Variants in RIF1 observed in about 807,000 individuals in gnomAD.
The protein encoded by RIF1 is replication timing regulatory factor 1.
Under a neutral mutation model 247.1 loss-of-function variants are expected in RIF1, and 45 were observed. The ratio of observed to expected loss-of-function variants is 0.18; its 90% confidence interval spans 0.14 to 0.23. RIF1 has a LOEUF of 0.23. Among genes scored for constraint, RIF1 ranks in the 10% least tolerant of loss-of-function variants. RIF1 has a pLI of 1.00. For missense variants in RIF1, 2,967 were observed against 2,862.5 expected (o/e 1.04, Z -0.83); for synonymous variants, 1,087 against 978.8 (o/e 1.11, Z -2.06).
intron 9 of RIF1, among the ~76,000 whole-genome samples, chr2:151,430,863 G>A (rs184271847): frequency 1.3e-5 from 2 of 151,910 alleles, no homozygotes; most frequent in Non-Finnish European, 2.9e-5. Context: ...CACGTTGCCC[G>A]GGCTAGTCTC....
intron 9 of RIF1, chr2:151,490,020 G>T: frequency 6.2e-7 from 1 of 1,613,646 alleles, no homozygotes; most frequent in South Asian, 1.1e-5. Context: ...TGTCTGTTGG[G>T]TAGCAACTGA....
intron 21 of RIF1, among the ~76,000 whole-genome samples, chr2:151,452,206 A>G (rs1694431819): frequency 3.3e-5 from 5 of 152,220 alleles, no homozygotes; most frequent in Admixed American, 2.6e-4. Context: ...ATGGTAATTA[A>G]ATGATTAAAA....
intron 18 of RIF1, among the ~76,000 whole-genome samples, chr2:151,445,057 G>A (rs1693011406): frequency 6.6e-6 from 1 of 152,134 alleles, no homozygotes; most frequent in African/African-American, 2.4e-5. Flanking sequence ...TCTTCACATG[G>A]TATTGTTGTC....
intron 18 of RIF1, 137 bp downstream of exon 18, chr2:151,443,846 C>G: frequency 1.9e-6 from 1 of 516,644 alleles, no homozygotes; most frequent in Non-Finnish European, 3.2e-6. Flanking sequence ...AAACGTTGTA[C>G]TTTTGATTGA....
chr2:151,410,019 T>C lies in RIF1; in HGVS notation c.-25T>C, dbSNP rs1258952519. The C allele has an allele frequency of 2.8e-6, 2 of 702,876 alleles. 1 individual carries two copies. The highest frequency in any genetic ancestry group is 3.0e-5 in the South Asian group (2 of 67,602). 43.5% of individuals were successfully genotyped at this position (702,876 alleles called of 1,614,324 possible). ...AGGGGCAGAGGCGGAGAGAACCCTG[T>C]CCTGATCTTCCTAGGTGGGATAAAT... On this transcript the variant is annotated 5_prime_UTR_variant, in exon 1 of 36. Transcript: ENST00000444746.
chr2:151,468,185 G>T, intron 31 of RIF1, 39 bp downstream of exon 31: 1 of 1,497,758 alleles, frequency 6.7e-7, no homozygotes, highest in Non-Finnish European at 9.1e-7. Context: ...TATGTATACC[G>T]ACACAGAATT....
At chr2:151,507,450 T>C (rs1171739016) in intron 13 of RIF1, among the ~76,000 whole-genome samples, 1 of 152,204 alleles carries the variant, frequency 6.6e-6, no homozygotes, top group Non-Finnish European at 1.5e-5. Flanking sequence ...TATCTGACCT[T>C]CATTTAAAGC....
intron 8 of RIF1, among the ~76,000 whole-genome samples, chr2:151,425,592 A>C (rs1222556479): frequency 6.7e-6 from 1 of 150,272 alleles, no homozygotes; most frequent in African/African-American, 2.5e-5. Context: ...ATCCTTTTGC[A>C]TGCAGATGTT....
intron 6 of RIF1, among the ~76,000 whole-genome samples, 179 bp from the exon 7 acceptor site, chr2:151,420,011 A>G (rs1005803439): frequency 6.6e-6 from 1 of 152,188 alleles, no homozygotes; most frequent in Non-Finnish European, 1.5e-5. Context: ...AAAATTTACA[A>G]AAGCAATAAT....
chr2:151,524,479 TG>T, the RIF1 span: 1 of 1,613,020 alleles, frequency 6.2e-7, no homozygotes, highest in African/African-American at 1.3e-5. Context: ...TGGCAATGGC[TG>T]TTGGGGACTG....
intron 7 of RIF1, among the ~76,000 whole-genome samples, chr2:151,420,598 G>C (rs928945042): frequency 6.6e-5 from 10 of 151,942 alleles, no homozygotes; most frequent in African/African-American, 2.4e-4. Context: ...TTAGCTGGGC[G>C]TGGTGGCATG....
Position 151,493,463 on chromosome 2 carries a change from G to T in RIF1, c.*416-1766G>T, listed in dbSNP as rs751128682. On this transcript the variant is annotated intron_variant and NMD_transcript_variant, in intron 9 of 13. Coordinates refer to the RIF1 transcript ENST00000454583. ...TACAATACCTAGGGAAGCCAAAAGA[G>T]CATCTAGGCATCAGACAGCAGAAAA... 4 of 1,504,592 alleles carry T rather than the reference G, an allele frequency of 2.7e-6. No individual in the cohort carries two copies. Among genetic ancestry groups the T allele is most frequent in the Non-Finnish European group, 3.6e-6 (4 of 1,105,334 alleles). 93.2% of individuals were successfully genotyped at this position (1,504,592 alleles called of 1,614,324 possible).
downstream of RIF1, among the ~76,000 whole-genome samples, chr2:151,484,099 C>CT (rs35085653): frequency 2.0e-5 from 3 of 151,394 alleles, no homozygotes; most frequent in Admixed American, 1.3e-4. Flanking sequence ...ATGTGACCAT[C>CT]TTTTTTTTTC....
At chr2:151,519,468 T>C in the RIF1 span, among the ~76,000 whole-genome samples, 359 of 152,308 alleles carry the variant, frequency 2.4e-3, 9 homozygotes, top group East Asian at 0.046. Flanking sequence ...TCCCAGGAGC[T>C]GACGGGAGGA....
intron 11 of RIF1, chr2:151,501,413 A>G: frequency 1.3e-6 from 2 of 1,549,418 alleles, no homozygotes; most frequent in Admixed American, 2.0e-5. Flanking sequence ...TTCTTGATTG[A>G]GTTTGACTCG....
At position 151,474,938 on chromosome 2, in the gene RIF1, A is replaced by G. The variant is rs768160948; in HGVS notation, c.7286A>G (p.Asp2429Gly). The G allele has an allele frequency of 6.2e-7, 1 of 1,610,380 alleles. No individual in the cohort carries two copies. The highest frequency in any genetic ancestry group is 8.5e-7 in the Non-Finnish European group (1 of 1,176,694). ...AQISALALQL[D>G]SEDLHNYSGS... is the part of the protein sequence containing the mutation. ...ATTAGTGCTCTTGCTCTTCAGCTGG[A>G]TTCAGAAGATCTTCATAATTATTCA... The change falls in exon 36 of 36, where the codon GAT (aspartate) becomes GGT (glycine). Residue 2429 changes from aspartate (D) to glycine (G), a missense_variant. Coordinates refer to ENST00000444746, the MANE Select transcript of RIF1 (RefSeq NM_018151.5).
At chr2:151,472,481 C>G (rs936440764) in intron 34 of RIF1, among the ~76,000 whole-genome samples, 5 of 152,126 alleles carry the variant, frequency 3.3e-5, no homozygotes, top group Admixed American at 1.3e-4. Context: ...AGTTTTTGCC[C>G]ATTCAGTATG....
At chr2:151,427,525 A>ATTTTTTTTTTTTTTTTT (rs58446169) in intron 8 of RIF1, among the ~76,000 whole-genome samples, 1 of 134,572 alleles carries the variant, frequency 7.4e-6, no homozygotes, top group Non-Finnish European at 1.6e-5. Flanking sequence ...TTTTTTTTTA[A>ATTTTTTTTTTTTTTTTT]TTTTTTTTTT....
Position 151,476,920 on chromosome 2 carries a change from G to C in RIF1, c.*1849G>C, listed in dbSNP as rs539954181. On this transcript the variant is annotated 3_prime_UTR_variant, in exon 36 of 36. Transcript: ENST00000444746. ...TAAAATCAGTTCGTTTCATGACTCT[G>C]TGCCTTAACGTTTGTGTGAACTAAA... 6.6e-6 allele frequency: 1 copy of C among 152,230 alleles called. No individual in the cohort carries two copies. Among genetic ancestry groups the C allele is most frequent in the South Asian group, 2.1e-4 (1 of 4,818 alleles). The allele number at this position is 152,230 out of a possible 1,614,324, so 9.4% of individuals were successfully genotyped here.
Sources: gnomAD v4.1 joint callset for allele counts (sites outside exome capture counted in the v4.1 genomes callset) on GRCh38, gnomAD v4.1.1 for gene constraint, MANE v1.5 for transcripts, NCBI Gene and HGNC (gene_info 2026-07-23, HGNC 2026-07-21) for gene names.